The following PLEKHA7 variants were observed in gnomAD, a reference collection of about 807,000 sequenced individuals.
The protein encoded by PLEKHA7 is pleckstrin homology domain-containing family A member 7.
In PLEKHA7, 104 loss-of-function variants were observed where a neutral mutation model predicts 170.0. That is an observed-to-expected ratio of 0.61 (90% CI 0.52 to 0.72). The LOEUF (loss-of-function observed/expected upper bound fraction) is 0.72, where lower values mean the gene tolerates loss of function less well. Among genes scored for constraint, PLEKHA7 ranks in the 30% least tolerant of loss-of-function variants. The pLI, the probability that PLEKHA7 is intolerant of heterozygous loss-of-function variation, is 0.00. For synonymous variants in PLEKHA7, 648 were observed against 660.8 expected, an observed-to-expected ratio of 0.98 and a Z score of 0.30; for missense variants, 1,615 against 1,671.7, an observed-to-expected ratio of 0.97 and a Z score of 0.59.
At chr11:16,920,545 A>G (rs1484532555) in intron 3 of PLEKHA7, among the ~76,000 whole-genome samples, 1 of 152,242 alleles carries the variant, frequency 6.6e-6, no homozygotes, top group African/African-American at 2.4e-5. Context: ...TTGTAGTATA[A>G]TATTCTAAAT....
Position 16,795,370 on chromosome 11 carries a change from G to A in PLEKHA7, c.2410-352C>T, listed in dbSNP as rs190499830. 82 of 262,386 alleles carry A rather than the reference G, an allele frequency of 3.1e-4. 1 individual carries two copies. The East Asian group carries it at 5.4e-3, about 17-fold the overall frequency. 16.3% of individuals were successfully genotyped at this position (262,386 alleles called of 1,614,324 possible). ...AAGTACAACAGTGGTTGCTGGGGGC[G>A]GGGGAGAGGGAAGAATGCAGAACTA... On this transcript the variant is annotated intron_variant, in intron 17 of 26. Coordinates refer to ENST00000531066, the MANE Select transcript of PLEKHA7 (RefSeq NM_001329630.2).
At chr11:16,939,369 G>A (rs924642249) in intron 3 of PLEKHA7, among the ~76,000 whole-genome samples, 4 of 152,058 alleles carry the variant, frequency 2.6e-5, no homozygotes, top group East Asian at 3.9e-4. Context: ...ACCCGAGATC[G>A]TGCCACTGCA....
At chr11:16,852,388 T>G in intron 6 of PLEKHA7, 33 bp from the exon 7 acceptor site, 3 of 1,597,588 alleles carry the variant, frequency 1.9e-6, no homozygotes, top group Non-Finnish European at 2.6e-6. Flanking sequence ...CAGGGTAATA[T>G]CTGAGCATAC....
chr11:17,005,295 G>A (rs1427026936), intron 3 of PLEKHA7, among the ~76,000 whole-genome samples: 1 of 149,726 alleles, frequency 6.7e-6, no homozygotes, highest in Non-Finnish European at 1.5e-5. Context: ...CTTCCAGGAG[G>A]CCAAGGTGGG....
intron 3 of PLEKHA7, among the ~76,000 whole-genome samples, chr11:16,886,532 G>A (rs1217971726): frequency 6.6e-6 from 1 of 152,228 alleles, no homozygotes; most frequent in East Asian, 1.9e-4. Flanking sequence ...CCAACATGGT[G>A]AAACCCCATC....
At chr11:16,860,815 G>A (rs1185258714) in intron 4 of PLEKHA7, among the ~76,000 whole-genome samples, 1 of 152,252 alleles carries the variant, frequency 6.6e-6, no homozygotes, top group East Asian at 1.9e-4. Context: ...AAGAGCAAGA[G>A]CCCAGAATAA....
chr11:16,787,236 C>T, intron 23 of PLEKHA7: 3 of 985,382 alleles, frequency 3.0e-6, no homozygotes, highest in Non-Finnish European at 3.6e-6. Flanking sequence ...GCCTCTCTTC[C>T]CCTGAGCAAA....
chr11:17,005,576 A>T (rs1489140626), intron 3 of PLEKHA7, among the ~76,000 whole-genome samples: 1 of 152,142 alleles, frequency 6.6e-6, no homozygotes, highest in East Asian at 1.9e-4. Context: ...AGAGGGTGCC[A>T]TCAAGGCACA....
intron 5 of PLEKHA7, 51 bp downstream of exon 5, chr11:16,855,752 T>C: frequency 1.4e-6 from 2 of 1,403,616 alleles, no homozygotes; most frequent in East Asian, 2.3e-5. Context: ...ACAAAGGGGC[T>C]TGGCAAAATA....
intron 3 of PLEKHA7, among the ~76,000 whole-genome samples, chr11:17,004,301 G>C (rs1220154629): frequency 6.6e-6 from 1 of 152,102 alleles, no homozygotes; most frequent in African/African-American, 2.4e-5. Flanking sequence ...TGTCTGAGAA[G>C]CCTGGATATG....
intron 3 of PLEKHA7, among the ~76,000 whole-genome samples, chr11:16,928,301 C>A (rs866104377): frequency 6.6e-6 from 1 of 152,070 alleles, no homozygotes; most frequent in South Asian, 2.1e-4. Context: ...CGGAGTGAGA[C>A]TTTGTCTCAA....
intron 3 of PLEKHA7, among the ~76,000 whole-genome samples, chr11:16,946,941 G>A (rs906949121): frequency 6.6e-6 from 1 of 152,156 alleles, no homozygotes; most frequent in Non-Finnish European, 1.5e-5. Flanking sequence ...GAGTTTGCAG[G>A]CCCCTAATCC....
At chr11:16,782,313 G>A (rs1849092778) in intron 26 of PLEKHA7, among the ~76,000 whole-genome samples, 1 of 152,160 alleles carries the variant, frequency 6.6e-6, no homozygotes, top group Non-Finnish European at 1.5e-5. Context: ...GAAGGCAGGG[G>A]GCCAGGGAAG....
chr11:17,013,391 G>C (rs1865436566), intron 3 of PLEKHA7: 1 of 152,414 alleles, frequency 6.6e-6, no homozygotes, highest in South Asian at 2.1e-4. Context: ...GAGACGCGGA[G>C]CGCTCGAGGA....
chr11:16,867,111 C>T (rs552697612), intron 4 of PLEKHA7, among the ~76,000 whole-genome samples: 5 of 151,920 alleles, frequency 3.3e-5, no homozygotes, highest in Non-Finnish European at 5.9e-5. Context: ...TGGGAAGACA[C>T]CTGGGGGTGA....
intron 3 of PLEKHA7, among the ~76,000 whole-genome samples, chr11:16,903,625 G>T (rs1590552892): frequency 6.6e-6 from 1 of 152,212 alleles, no homozygotes; most frequent in South Asian, 2.1e-4. Context: ...TGTGCTTCTT[G>T]GCATATAAAT....
intron 3 of PLEKHA7, among the ~76,000 whole-genome samples, chr11:16,901,936 C>T (rs1226063834): frequency 1.3e-5 from 2 of 152,130 alleles, no homozygotes; most frequent in African/African-American, 4.8e-5. Flanking sequence ...ACGATCATCA[C>T]CCCAATCAAA....
chr11:16,782,840 T>G lies in PLEKHA7; in HGVS notation c.3707A>C (p.Asp1236Ala). The change falls in exon 26 of 27, where the codon GAC becomes GCC. Residue 1236 changes from aspartate (D) to alanine (A), a missense_variant. Coordinates refer to ENST00000531066, the MANE Select transcript of PLEKHA7 (RefSeq NM_001329630.2). The part of the protein sequence containing the change: ...GQDQNSVADL[D>A]LQLQEQERII... ...GCGCTCCTGCTCCTGCAGCTGCAAG[T>G]CCAGGTCAGCCACACTGTTCTGGTC... 1 of 1,536,164 alleles carries G rather than the reference T, an allele frequency of 6.5e-7. No homozygotes were observed. Among genetic ancestry groups the G allele is most frequent in the Non-Finnish European group, 8.7e-7 (1 of 1,146,918 alleles).
At chr11:16,859,840 C>T (rs12806040) in intron 4 of PLEKHA7, among the ~76,000 whole-genome samples, 7 of 152,344 alleles carry the variant, frequency 4.6e-5, no homozygotes, top group East Asian at 1.9e-4. Flanking sequence ...CACTGCGTCA[C>T]GCAGACCCCT....
Sources: gnomAD v4.1 joint callset for allele counts (sites outside exome capture counted in the v4.1 genomes callset) on GRCh38, gnomAD v4.1.1 for gene constraint, MANE v1.5 for transcripts, NCBI Gene and HGNC (gene_info 2026-07-23, HGNC 2026-07-21) for gene names.